Variants in NEB observed in about 807,000 individuals in gnomAD.
NEB encodes the protein nemaline myopathy type 2.
In NEB, 512 loss-of-function variants were observed where a neutral mutation model predicts 952.2. The observed-to-expected ratio is 0.54, with a 90% CI of 0.50 to 0.58. The LOEUF is 0.58. Among genes scored for constraint, NEB ranks in the 20% least tolerant of loss-of-function variants. NEB has a pLI of 0.00. For missense variants in NEB, 8,428 were observed against 9,231.1 expected (o/e 0.91, Z 3.56); for synonymous variants, 2,900 against 3,149.8 (o/e 0.92, Z 2.66).
chr2:151,610,475 G>A, intron 80 of NEB, 41 bp downstream of exon 80: 1 of 1,482,752 alleles, frequency 6.7e-7, no homozygotes, highest in Non-Finnish European at 9.4e-7. Flanking sequence ...GGGTTGTTCA[G>A]CACAGTGGAG....
At chr2:151,527,171 AT>A (rs1576321463) in intron 147 of NEB, 149 bp from the exon 148 acceptor site, 1 of 635,738 alleles carries the variant, frequency 1.6e-6, no homozygotes. Context: ...CCCTCACTGC[AT>A]TTTGGACTCC....
At chr2:151,723,703 G>C (rs2099781300) in intron 8 of NEB, among the ~76,000 whole-genome samples, 2 of 127,576 alleles carry the variant, frequency 1.6e-5, no homozygotes, top group East Asian at 4.8e-4. Flanking sequence ...GGGCAGATGT[G>C]TCTGATTTTG....
At chr2:151,514,536 T>C in intron 158 of NEB, 108 bp from the exon 159 acceptor site, 2 of 893,324 alleles carry the variant, frequency 2.2e-6, no homozygotes, top group South Asian at 1.4e-5. Flanking sequence ...GTTCACAGTT[T>C]AGTAAGTAAA....
intron 48 of NEB, 93 bp from the exon 49 acceptor site, chr2:151,656,557 A>G (rs1188393365): frequency 1.5e-6 from 1 of 672,468 alleles, no homozygotes; most frequent in Non-Finnish European, 2.1e-6. Flanking sequence ...GTATAATTAT[A>G]AAATATAATT....
Position 151,692,086 on chromosome 2 carries a change from G to T in NEB, c.2079C>A (p.Cys693Ter). ...GSMEDPYHTH[C>*]MKVAAQNSDK... ...CACTGTTTTGAGCTGCAACTTTCAT[G>T]CAGTGTGTGTGATATGGGTCCTCCA... is the stretch of plus-strand genomic sequence containing the variant. The change falls in exon 22 of 182, where the codon TGC (cysteine) becomes TGA (stop). Residue 693 changes from cysteine to a stop codon, truncating the protein, a stop_gained. Transcript: ENST00000397345. LOFTEE classifies it high-confidence loss of function. The T allele has an allele frequency of 1.9e-6, 3 of 1,613,922 alleles. No homozygotes were observed. The highest frequency in any genetic ancestry group is 2.5e-6 in the Non-Finnish European group (3 of 1,179,822).
At chr2:151,497,343 C>CAGTT in intron 171 of NEB, 20 of 982,098 alleles carry the variant, frequency 2.0e-5, no homozygotes, top group Non-Finnish European at 2.4e-5. Flanking sequence ...GGATTTGAGA[C>CAGTT]AGTTAGAACT....
At chr2:151,641,210 T>C (rs995022918) in intron 60 of NEB, among the ~76,000 whole-genome samples, 4 of 152,244 alleles carry the variant, frequency 2.6e-5, no homozygotes, top group Non-Finnish European at 4.4e-5. Context: ...TTATGATTCG[T>C]GTGTGAGAAT....
Position 151,690,805 on chromosome 2 carries a change from T to C in NEB, c.2232A>G (p.Pro744=). ...TGACTGCCGTGAATTTGGTCTTATC[T>C]GGATGAACTTTGTAGGTATGCTAGA... ...QCKDHTYKVH[P]DKTKFTAVTD... The change falls in exon 24 of 182, where the codon CCA becomes CCG. Residue 744 remains proline (P), a synonymous_variant. Coordinates refer to ENST00000397345, the MANE Select transcript of NEB (RefSeq NM_001164508.2). The C allele has an allele frequency of 6.3e-7, 1 of 1,590,556 alleles. No homozygotes were observed. Among genetic ancestry groups the C allele is most frequent in the Non-Finnish European group, 8.6e-7 (1 of 1,167,326 alleles).
At chr2:151,501,256 CAGAA>C (rs1024964496) in intron 168 of NEB, 131 bp downstream of exon 168, 3 of 553,636 alleles carry the variant, frequency 5.4e-6, no homozygotes, top group Non-Finnish European at 9.6e-6. Flanking sequence ...ATCTGGAAAA[CAGAA>C]GGATTCAGTT....
Position 151,650,825 on chromosome 2 carries a change from G to A in NEB, c.6976C>T (p.Gln2326Ter), listed in dbSNP as rs1252244013. 2 of 1,613,748 alleles carry A rather than the reference G, an allele frequency of 1.2e-6. No homozygotes were observed. The highest frequency in any genetic ancestry group is 1.7e-6 in the Non-Finnish European group (2 of 1,179,814). The change falls in exon 53 of 182, where the codon CAA becomes TAA. Residue 2326 changes from glutamine (Q) to a stop codon, truncating the protein, a stop_gained. Coordinates refer to ENST00000397345, the MANE Select transcript of NEB (RefSeq NM_001164508.2). LOFTEE classifies it high-confidence loss of function. Reference protein sequence around the residue: ...LGHHVGFRSLQDDPKLVLSMN... With the variant: ...LGHHVGFRSL ...GACAACACAAGTTTTGGGTCATCTT[G>A]CAGACTCCGGAATCCAACATGGTGG...
chr2:151,504,648 C>T (rs1057449835), intron 165 of NEB, among the ~76,000 whole-genome samples: 5 of 152,182 alleles, frequency 3.3e-5, no homozygotes, highest in African/African-American at 4.8e-5. Context: ...GACCAAGGTC[C>T]TCCCCTTTTA....
chr2:151,627,893 T>C, intron 68 of NEB, 59 bp from the exon 69 acceptor site: 4 of 1,542,564 alleles, frequency 2.6e-6, no homozygotes, highest in Non-Finnish European at 3.5e-6. Context: ...AGAAGCCTCA[T>C]TAATTTAAAA....
chr2:151,686,908 A>G (rs908430871), intron 27 of NEB, among the ~76,000 whole-genome samples: 1 of 152,170 alleles, frequency 6.6e-6, no homozygotes, highest in Non-Finnish European at 1.5e-5. Context: ...AGAAATGTTC[A>G]TTTTCTAGAT....
chr2:151,658,393 T>C (rs1431304663), intron 47 of NEB, among the ~76,000 whole-genome samples: 1 of 151,854 alleles, frequency 6.6e-6, no homozygotes, highest in African/African-American at 2.4e-5. Flanking sequence ...CAAATAAGAG[T>C]TAAAGGAAGA....
intron 127 of NEB, 108 bp downstream of exon 127, chr2:151,553,290 C>T: frequency 3.4e-6 from 3 of 887,524 alleles, no homozygotes; most frequent in South Asian, 2.9e-5. Flanking sequence ...AGCTCAGCCA[C>T]CCCCCAGAGC....
At chr2:151,565,649 G>A (rs1345048355) in intron 115 of NEB, 44 bp from the exon 116 acceptor site, 1 of 1,563,052 alleles carries the variant, frequency 6.4e-7, no homozygotes, top group East Asian at 2.3e-5. Flanking sequence ...ACCACCACAG[G>A]TTATCTACCC....
chr2:151,489,887 A>G (rs6733688), intron 181 of NEB, 84 bp downstream of exon 181: 7 of 1,023,712 alleles, frequency 6.8e-6, no homozygotes, highest in Non-Finnish European at 8.9e-6. Context: ...GTTAAAAAAA[A>G]CCGTAATACC....
chr2:151,715,880 G>A (rs2099757507), intron 10 of NEB, among the ~76,000 whole-genome samples: 1 of 152,076 alleles, frequency 6.6e-6, no homozygotes, highest in Admixed American at 6.5e-5. Context: ...CTAAATTGGT[G>A]GAGAGAATGA....
Position 151,546,415 on chromosome 2 carries a change from A to G in NEB, c.20396T>C (p.Leu6799Pro). Residue 6799 changes from leucine to proline, a missense_variant, in exon 134 of 182, where the codon CTG becomes CCG. Leu to Pro is a moderately conservative substitution (Grantham distance 98). This residue lies in a region of NEB where 3,374 missense variants were observed against 3,651.5 expected (regional missense o/e 0.92). Coordinates refer to ENST00000397345, the MANE Select transcript of NEB (RefSeq NM_001164508.2). ...DIKYKEDLQV[L>P]KGFGCFLYDT... ...ATACAGGAAGCAGCCAAATCCCTTCAGGACCTGCAAGTCCTCTTTGTATTT... is the reference window on the plus strand; with the variant it reads ...ATACAGGAAGCAGCCAAATCCCTTCGGGACCTGCAAGTCCTCTTTGTATTT... 1.2e-6 allele frequency: 2 copies of G among 1,613,496 alleles called. No individual in the cohort carries two copies. Among genetic ancestry groups the G allele is most frequent in the Non-Finnish European group, 1.7e-6 (2 of 1,179,474 alleles).
Sources: allele counts gnomAD v4.1 joint callset (sites outside exome capture counted in the v4.1 genomes callset), GRCh38; gene constraint gnomAD v4.1.1; regional missense constraint gnomAD v4.1.1; transcripts MANE v1.5; gene names NCBI Gene and HGNC (gene_info 2026-07-23, HGNC 2026-07-21).